RASGEF1C: variants seen among roughly 807,000 people sequenced by gnomAD.
RASGEF1C encodes RasGEF domain family member 1C.
RASGEF1C carries 27 observed loss-of-function variants against 58.1 expected under a neutral mutation model. The observed-to-expected ratio is 0.46, with a 90% CI of 0.34 to 0.64. The LOEUF (loss-of-function observed/expected upper bound fraction) is 0.64. Among genes scored for constraint, RASGEF1C ranks in the 30% least tolerant of loss-of-function variants. The pLI, the probability that RASGEF1C is intolerant of heterozygous loss-of-function variation, is 0.01. For missense variants in RASGEF1C, 502 were observed against 605.1 expected (o/e 0.83, Z 1.79); for synonymous variants, 243 against 246.3 (o/e 0.99, Z 0.13).
chr5:180,205,715 A>ATATTAT lies in RASGEF1C; in HGVS notation c.-7+3307_-7+3312dup, dbSNP rs10577396. ...TAAAGTCCTCTTTGCCATTATTATAATATTATTATTATTATTATTATTATT... is the reference window on the plus strand; with the variant it reads ...TAAAGTCCTCTTTGCCATTATTATAATATTATTATTATTATTATTATTATTATTATT... On this transcript the variant is annotated intron_variant, in intron 1 of 13. Transcript: ENST00000361132. Among the ~76,000 whole-genome samples the ATATTAT allele has an allele frequency of 6.0e-3, 877 of 147,148 alleles. 6 individuals are homozygous for ATATTAT. The highest frequency in any genetic ancestry group is 0.029 in the South Asian group (131 of 4,592).
At position 180,149,746 on chromosome 5, in the gene RASGEF1C, G is replaced by A. The variant is rs374537027; in HGVS notation, c.-6-11688C>T. On this transcript the variant is annotated intron_variant, in intron 1 of 13. Transcript: ENST00000361132. Reference sequence around the variant, plus strand: ...TGGGATTACAGGCGTGAGCCACTGCGCCCAGCCGAGGACCCCTTTTATGTG... The same window carrying A: ...TGGGATTACAGGCGTGAGCCACTGCACCCAGCCGAGGACCCCTTTTATGTG... Among the ~76,000 whole-genome samples the A allele has an allele frequency of 7.9e-4, 121 of 152,310 alleles. 1 individual carries two copies. The highest frequency in any genetic ancestry group is 3.4e-3 in the Middle Eastern group (1 of 294).
At chr5:180,108,291 T>A (rs1019489514) in intron 12 of RASGEF1C, among the ~76,000 whole-genome samples, 3 of 151,164 alleles carry the variant, frequency 2.0e-5, no homozygotes, top group African/African-American at 7.3e-5. Flanking sequence ...AACCTCCACC[T>A]CTTTGGTTCA....
chr5:180,101,339 G>A lies in RASGEF1C; in HGVS notation c.*162C>T, dbSNP rs1222586284. 53 of 758,260 alleles carry A rather than the reference G, an allele frequency of 7.0e-5. 1 individual carries two copies. The highest frequency in any genetic ancestry group is 4.2e-4 in the African/African-American group (19 of 45,148). 47.0% of individuals were successfully genotyped at this position (758,260 alleles called of 1,614,324 possible). On this transcript the variant is annotated 3_prime_UTR_variant, in exon 14 of 14. Coordinates refer to ENST00000361132, the MANE Select transcript of RASGEF1C (RefSeq NM_175062.4). ...GTCCCATAAAAGGTCTCCTGTGCCC[G>A]TATGGCCACTGTGGGGGGGGGGGGG...
At chr5:180,188,065 AG>A (rs1756072677) in intron 1 of RASGEF1C, among the ~76,000 whole-genome samples, 1 of 152,226 alleles carries the variant, frequency 6.6e-6, no homozygotes, top group Non-Finnish European at 1.5e-5. Flanking sequence ...AGTAGCCAAA[AG>A]GGGGAAACAA....
At chr5:180,192,730 A>T (rs6880061) in intron 1 of RASGEF1C, among the ~76,000 whole-genome samples, 90,741 of 151,338 alleles carry the variant, frequency 0.6, 28,709 homozygotes, top group East Asian at 0.88. Context: ...AAATATCTTC[A>T]TAGTGTTTTT....
intron 1 of RASGEF1C, among the ~76,000 whole-genome samples, chr5:180,148,102 CTTT>C (rs1372473352): frequency 6.6e-6 from 1 of 152,138 alleles, no homozygotes; most frequent in Non-Finnish European, 1.5e-5. Context: ...TGATACCCTT[CTTT>C]GTCTCTGGTA....
intron 1 of RASGEF1C, among the ~76,000 whole-genome samples, chr5:180,166,185 C>T (rs913051570): frequency 9.2e-5 from 14 of 152,142 alleles, no homozygotes; most frequent in Admixed American, 6.5e-4. Flanking sequence ...CTTGCCACCC[C>T]GTAGGCATTA....
chr5:180,109,370 A>G (rs1765922429), intron 12 of RASGEF1C, among the ~76,000 whole-genome samples: 1 of 152,168 alleles, frequency 6.6e-6, no homozygotes, highest in Non-Finnish European at 1.5e-5. Context: ...AGGCAGGAGA[A>G]TGTCGTGAAC....
In RASGEF1C at chr5:180,118,604, C is replaced by A. The variant is rs371834834; in HGVS notation, c.1083+5G>T. 3.9e-5 allele frequency: 63 copies of A among 1,604,374 alleles called. No individual in the cohort carries two copies. Among genetic ancestry groups the A allele is most frequent in the Non-Finnish European group, 5.0e-5 (59 of 1,175,204 alleles). ...CCCCCCTGGGCCAACGTGGCCCCGA[C>A]CTACCTTCTCTCGGCTGCTGTGGGC... On this transcript the variant is annotated splice_donor_5th_base_variant and intron_variant, in intron 10 of 13. Coordinates refer to ENST00000361132, the MANE Select transcript of RASGEF1C (RefSeq NM_175062.4).
Position 180,209,196 on chromosome 5 carries a change from G to C in RASGEF1C, c.-175C>G. ...GCAGCCCGCACGAGCGCCTGGCGGC[G>C]GCCCCGGAGCAACGCGGCGCTGCGC... On this transcript the variant is annotated 5_prime_UTR_variant, in exon 1 of 14. Transcript: ENST00000361132. 1 of 147,202 alleles carries C rather than the reference G, an allele frequency of 6.8e-6. No individual in the cohort carries two copies. The highest frequency in any genetic ancestry group is 1.9e-4 in the South Asian group (1 of 5,152). 9.1% of individuals were successfully genotyped at this position (147,202 alleles called of 1,614,324 possible).
chr5:180,134,041 C>T (rs59917820), intron 4 of RASGEF1C, among the ~76,000 whole-genome samples: 3,199 of 152,226 alleles, frequency 0.021, 115 homozygotes, highest in African/African-American at 0.073. Flanking sequence ...TTTCCCAGTC[C>T]GGATCTGGGT....
rs869186264 is a variant in RASGEF1C at position 180,190,489 on chromosome 5, CAAAAAA to C, written c.-7+18533_-7+18538del. Among the ~76,000 whole-genome samples, 42 of 77,590 alleles carry C rather than the reference CAAAAAA, an allele frequency of 5.4e-4. 1 individual carries two copies. The highest frequency in any genetic ancestry group is 2.2e-3 in the Admixed American group (14 of 6,408). The allele number at this position is 77,590 out of a possible 152,430, so 50.9% of individuals were successfully genotyped here. A position where few individuals can be genotyped will look rare whatever the true frequency, so the allele number is the denominator to read the frequency against. On this transcript the variant is annotated intron_variant, in intron 1 of 13. Coordinates refer to ENST00000361132, the MANE Select transcript of RASGEF1C (RefSeq NM_175062.4). Reference sequence around the variant, plus strand: ...TGGGTGACAGAGTGAGACTCCGTCTCAAAAAAAAAAAAAAAAAAATAATAATAATAA... The same window carrying C: ...TGGGTGACAGAGTGAGACTCCGTCTCAAAAAAAAAAAAATAATAATAATAA...
At chr5:180,121,011 G>A (rs776453455) in intron 7 of RASGEF1C, 49 bp downstream of exon 7, 57 of 1,417,100 alleles carry the variant, frequency 4.0e-5, no homozygotes, top group Admixed American at 2.3e-4. Flanking sequence ...TCCCAACTCC[G>A]GCCGCCTGGG....
At chr5:180,119,662 G>A (rs936497462) in intron 7 of RASGEF1C, among the ~76,000 whole-genome samples, 1 of 152,078 alleles carries the variant, frequency 6.6e-6, no homozygotes, top group African/African-American at 2.4e-5. Flanking sequence ...TGGGGGCACG[G>A]GTACCCCCTG....
chr5:180,170,568 G>A (rs951660567), intron 1 of RASGEF1C, among the ~76,000 whole-genome samples: 4 of 152,226 alleles, frequency 2.6e-5, no homozygotes, highest in African/African-American at 4.8e-5. Context: ...CGGAGCCCCC[G>A]CCCTGGCCAG....
intron 1 of RASGEF1C, among the ~76,000 whole-genome samples, chr5:180,140,327 C>T (rs528534461): frequency 4.6e-5 from 7 of 152,180 alleles, no homozygotes; most frequent in South Asian, 2.1e-4. Flanking sequence ...ATCCTTGTGC[C>T]GCAGCCTTCA....
chr5:180,163,619 C>T (rs1206249802), intron 1 of RASGEF1C, among the ~76,000 whole-genome samples: 1 of 152,010 alleles, frequency 6.6e-6, no homozygotes, highest in Non-Finnish European at 1.5e-5. Flanking sequence ...AGGATAAACC[C>T]CACTTGGTCG....
intron 4 of RASGEF1C, among the ~76,000 whole-genome samples, chr5:180,131,260 G>A (rs561311661): frequency 7.2e-5 from 11 of 152,180 alleles, no homozygotes; most frequent in South Asian, 2.1e-4. Flanking sequence ...CTGAGGCTCC[G>A]AGGTCAGCTC....
chr5:180,178,083 C>T (rs183545564), intron 1 of RASGEF1C, among the ~76,000 whole-genome samples: 108 of 151,764 alleles, frequency 7.1e-4, no homozygotes, highest in African/African-American at 2.6e-3. Context: ...TCTCCTGCCT[C>T]AGCCTCCTGA....
Sources: allele counts gnomAD v4.1 joint callset (sites outside exome capture counted in the v4.1 genomes callset), GRCh38; gene constraint gnomAD v4.1.1; transcripts MANE v1.5; gene names NCBI Gene and HGNC (gene_info 2026-07-23, HGNC 2026-07-21).